PRKG1: variants seen among roughly 807,000 people sequenced by gnomAD.
PRKG1 encodes the protein protein kinase cGMP-dependent 1, also known as cGMP-dependent protein kinase 1.
Under a neutral mutation model 88.1 loss-of-function variants are expected in PRKG1, and 35 were observed. The observed-to-expected ratio is 0.40, with a 90% CI of 0.30 to 0.53. The LOEUF is 0.53. PRKG1 is among the 20% of genes least tolerant of loss of function. PRKG1 has a pLI of 0.59. For missense variants in PRKG1, 540 were observed against 839.8 expected (o/e 0.64, Z 4.41); for synonymous variants, 303 against 292.5 (o/e 1.04, Z -0.37).
intron 5 of PRKG1, among the ~76,000 whole-genome samples, chr10:51,958,759 G>A (rs1417700129): frequency 6.6e-6 from 1 of 152,068 alleles, no homozygotes; most frequent in East Asian, 1.9e-4. Flanking sequence ...AACTGTTTCT[G>A]ATTGCTGCTA....
At chr10:51,244,365 G>A (rs1237351234) in intron 2 of PRKG1, among the ~76,000 whole-genome samples, 1 of 116,106 alleles carries the variant, frequency 8.6e-6, no homozygotes, top group Non-Finnish European at 1.8e-5. Flanking sequence ...ATAATGATTT[G>A]TTGCAGGTAG....
intron 5 of PRKG1, among the ~76,000 whole-genome samples, chr10:51,913,875 C>G (rs1387840724): frequency 6.6e-6 from 1 of 152,094 alleles, no homozygotes; most frequent in Admixed American, 6.5e-5. Flanking sequence ...ACAGAAAACT[C>G]TGACTTTATA....
At chr10:51,192,343 T>C (rs1215930829) in intron 2 of PRKG1, among the ~76,000 whole-genome samples, 1 of 151,948 alleles carries the variant, frequency 6.6e-6, no homozygotes, top group Non-Finnish European at 1.5e-5. Context: ...ATTTCATTTT[T>C]CTTATCTGTA....
Position 51,336,745 on chromosome 10 carries a change from T to C in PRKG1, c.479-130978T>C, listed in dbSNP as rs79334352. Among the ~76,000 whole-genome samples the C allele has an allele frequency of 1.1e-3, 167 of 152,266 alleles. 1 individual carries two copies. Among genetic ancestry groups the C allele is most frequent in the African/African-American group, 3.8e-3 (160 of 41,560 alleles). On this transcript the variant is annotated intron_variant, in intron 2 of 17. Transcript: ENST00000373980. Reference sequence around the variant, plus strand: ...GAGATAGGGGCAGACCAGTAATAAATGGACACTTCATGGCATTAGTTCACA... The same window carrying C: ...GAGATAGGGGCAGACCAGTAATAAACGGACACTTCATGGCATTAGTTCACA...
chr10:51,451,372 TA>T (rs1402198638), intron 2 of PRKG1, among the ~76,000 whole-genome samples: 1 of 151,896 alleles, frequency 6.6e-6, no homozygotes, highest in Non-Finnish European at 1.5e-5. Context: ...TAGAGGTTAG[TA>T]AAAATAACGA....
chr10:51,278,680 G>T (rs1170960576), intron 2 of PRKG1, among the ~76,000 whole-genome samples: 1 of 152,054 alleles, frequency 6.6e-6, no homozygotes, highest in Middle Eastern at 3.2e-3. Context: ...GTTTAGTCTT[G>T]GGAGGGTGTA....
At chr10:51,968,285 C>T (rs1843621120) in intron 5 of PRKG1, among the ~76,000 whole-genome samples, 1 of 152,106 alleles carries the variant, frequency 6.6e-6, no homozygotes, top group Admixed American at 6.6e-5. Context: ...TTTACTACTT[C>T]TTTGGCAAGC....
chr10:51,917,897 C>A (rs1423762282), intron 5 of PRKG1, among the ~76,000 whole-genome samples: 5 of 152,126 alleles, frequency 3.3e-5, no homozygotes, highest in Non-Finnish European at 4.4e-5. Flanking sequence ...TTGTTCATTG[C>A]TTTAAATTGG....
At chr10:52,081,076 C>CA (rs902363809) in intron 7 of PRKG1, among the ~76,000 whole-genome samples, 2 of 152,196 alleles carry the variant, frequency 1.3e-5, no homozygotes, top group African/African-American at 4.8e-5. Context: ...CTCTTCAACA[C>CA]ACCACTTGCA....
chr10:51,659,524 A>T (rs1840243148), intron 3 of PRKG1, among the ~76,000 whole-genome samples: 1 of 152,084 alleles, frequency 6.6e-6, no homozygotes, highest in Admixed American at 6.6e-5. Context: ...GTGATGACTA[A>T]AAGGCTTGAC....
intron 2 of PRKG1, among the ~76,000 whole-genome samples, chr10:51,276,923 C>T (rs557184366): frequency 2.4e-3 from 359 of 152,296 alleles, no homozygotes; most frequent in African/African-American, 7.8e-3. Context: ...CCTGTTCACT[C>T]TGATGGTAGT....
intron 5 of PRKG1, among the ~76,000 whole-genome samples, chr10:51,975,935 C>T (rs1843820318): frequency 6.6e-6 from 1 of 151,742 alleles, no homozygotes; most frequent in African/African-American, 2.4e-5. Flanking sequence ...ATAAATAACC[C>T]AATTAGAAAC....
intron 3 of PRKG1, among the ~76,000 whole-genome samples, chr10:51,737,645 C>G (rs1177015087): frequency 6.6e-6 from 1 of 151,862 alleles, no homozygotes; most frequent in Non-Finnish European, 1.5e-5. Flanking sequence ...GTTTCTGGTT[C>G]CTGCCCTGAT....
chr10:52,016,406 G>A (rs1380038376), intron 5 of PRKG1, among the ~76,000 whole-genome samples: 1 of 152,108 alleles, frequency 6.6e-6, no homozygotes, highest in Non-Finnish European at 1.5e-5. Context: ...CAGCATTAGG[G>A]AAACTGCCCC....
chr10:51,074,433 C>T, upstream of PRKG1: 6 of 1,447,812 alleles, frequency 4.1e-6, no homozygotes, highest in Non-Finnish European at 5.5e-6. Flanking sequence ...AGCCGGCGGA[C>T]TGGGCATGCT....
chr10:51,794,012 G>C (rs915556148), intron 3 of PRKG1, among the ~76,000 whole-genome samples: 1 of 151,986 alleles, frequency 6.6e-6, no homozygotes, highest in African/African-American at 2.4e-5. Flanking sequence ...GATCTGCCCA[G>C]CTCAGTCTCT....
At chr10:51,504,538 T>C (rs544713317) in intron 3 of PRKG1, among the ~76,000 whole-genome samples, 8 of 152,318 alleles carry the variant, frequency 5.3e-5, no homozygotes, top group Admixed American at 5.2e-4. Context: ...GGGGATGGCA[T>C]TGAATCTATA....
At chr10:51,776,111 A>G (rs1047371112) in intron 3 of PRKG1, among the ~76,000 whole-genome samples, 5 of 152,194 alleles carry the variant, frequency 3.3e-5, no homozygotes, top group Non-Finnish European at 7.3e-5. Context: ...TGAGCAAACA[A>G]CCTGGTAATG....
Position 51,290,068 on chromosome 10 carries a change from A to G in PRKG1, c.478+136738A>G, listed in dbSNP as rs569126520. Among the ~76,000 whole-genome samples, 4 of 152,256 alleles carry G rather than the reference A, an allele frequency of 2.6e-5. No individual in the cohort carries two copies. In the South Asian group the frequency reaches 6.2e-4, roughly 24 times the overall value. ...TGTCATCAAGTGAATTGAGATAAAT[A>G]TACATTCAGAGCATCATTATCAACT... On this transcript the variant is annotated intron_variant, in intron 2 of 17. Coordinates refer to ENST00000373980, the MANE Select transcript of PRKG1 (RefSeq NM_006258.4).
Sources: gnomAD v4.1 joint callset for allele counts (sites outside exome capture counted in the v4.1 genomes callset) on GRCh38, gnomAD v4.1.1 for gene constraint, MANE v1.5 for transcripts, NCBI Gene and HGNC (gene_info 2026-07-23, HGNC 2026-07-21) for gene names.